The following ENTHD1 variants were observed in gnomAD, a reference collection of about 807,000 sequenced individuals.
ENTHD1 encodes the protein ENTH domain-containing protein 1.
Under a neutral mutation model 39.1 loss-of-function variants are expected in ENTHD1, and 23 were observed. The ratio of observed to expected loss-of-function variants is 0.59; its 90% CI spans 0.42 to 0.83. The LOEUF is 0.83. ENTHD1 is among the 40% of genes least tolerant of loss of function. ENTHD1 has a pLI of 0.00. For missense variants in ENTHD1, 624 were observed against 705.4 expected, an observed-to-expected ratio of 0.88 and a Z score of 1.31; for synonymous variants, 230 against 258.2, an observed-to-expected ratio of 0.89 and a Z score of 1.05.
At chr22:39,824,241 G>T (rs1255691296) in intron 4 of ENTHD1, among the ~76,000 whole-genome samples, 1 of 106,648 alleles carries the variant, frequency 9.4e-6, no homozygotes, top group East Asian at 3.2e-4. Context: ...ACAGAGTCTC[G>T]CCTTGTCACC....
chr22:39,859,175 T>C (rs76652448), intron 3 of ENTHD1, among the ~76,000 whole-genome samples: 1 of 152,224 alleles, frequency 6.6e-6, no homozygotes, highest in Non-Finnish European at 1.5e-5. Flanking sequence ...CTTTGCAGAA[T>C]TAAAGACAGT....
intron 5 of ENTHD1, among the ~76,000 whole-genome samples, chr22:39,805,615 C>T (rs904105411): frequency 2.6e-5 from 4 of 152,154 alleles, no homozygotes; most frequent in Non-Finnish European, 4.4e-5. Context: ...CAACAACCCA[C>T]GGACCAGATA....
chr22:39,847,837 A>C (rs1200193082), intron 3 of ENTHD1, among the ~76,000 whole-genome samples: 2 of 152,242 alleles, frequency 1.3e-5, no homozygotes, highest in Non-Finnish European at 2.9e-5. Flanking sequence ...TAATGATGCT[A>C]TAACAAATTA....
At chr22:39,866,439 A>C (rs2066182215) in intron 2 of ENTHD1, among the ~76,000 whole-genome samples, 1 of 152,228 alleles carries the variant, frequency 6.6e-6, no homozygotes, top group South Asian at 2.1e-4. Flanking sequence ...ATAATTTCAG[A>C]TAAATGCTCT....
chr22:39,847,226 T>C (rs1268148600), intron 3 of ENTHD1, among the ~76,000 whole-genome samples: 3 of 151,882 alleles, frequency 2.0e-5, no homozygotes, highest in South Asian at 2.1e-4. Context: ...GTTAGGGACA[T>C]GGATGAAATT....
chr22:39,854,506 T>C (rs1224028842), intron 3 of ENTHD1, among the ~76,000 whole-genome samples: 1 of 152,162 alleles, frequency 6.6e-6, no homozygotes, highest in Non-Finnish European at 1.5e-5. Context: ...GAGATCATTT[T>C]TGTAATAACT....
Position 39,766,107 on chromosome 22 carries a change from T to G in ENTHD1, c.833-498A>C, listed in dbSNP as rs112280439. On this transcript the variant is annotated intron_variant, in intron 5 of 6. Coordinates refer to ENST00000325157, the MANE Select transcript of ENTHD1 (RefSeq NM_152512.4). ...AAAGAATGTCTTCTTCCACACAGTT[T>G]CTATATGCAAGGCACATTAAAGAAA... is the stretch of plus-strand genomic sequence containing the variant. 2.9e-4 allele frequency among the ~76,000 whole-genome samples: 43 copies of G among 150,822 alleles called. 1 individual carries two copies. The highest frequency in any genetic ancestry group is 9.7e-4 in the African/African-American group (40 of 41,222).
intron 5 of ENTHD1, among the ~76,000 whole-genome samples, chr22:39,780,637 A>G (rs972115551): frequency 2.6e-5 from 4 of 152,202 alleles, no homozygotes; most frequent in Admixed American, 1.3e-4. Context: ...CAGTCACTAT[A>G]TAATGATCAA....
At chr22:39,848,168 A>G (rs2066005786) in intron 3 of ENTHD1, among the ~76,000 whole-genome samples, 1 of 152,158 alleles carries the variant, frequency 6.6e-6, no homozygotes, top group African/African-American at 2.4e-5. Flanking sequence ...ATAGTGCTTC[A>G]AATCCTTATC....
intron 5 of ENTHD1, among the ~76,000 whole-genome samples, chr22:39,780,990 C>T (rs2065405127): frequency 8.1e-6 from 1 of 123,354 alleles, no homozygotes; most frequent in African/African-American, 3.0e-5. Context: ...CAGAGCGAGA[C>T]TCCATCTCAA....
At chr22:39,838,879 A>G (rs1244385793) in intron 3 of ENTHD1, among the ~76,000 whole-genome samples, 2 of 152,156 alleles carry the variant, frequency 1.3e-5, no homozygotes, top group Admixed American at 1.3e-4. Context: ...GAATAAACAT[A>G]TGACTTCAGA....
rs560295923 is a variant in ENTHD1, at chr22:39,830,562, T to TTCCA, written c.711+5274_711+5277dup. 2.0e-3 allele frequency among the ~76,000 whole-genome samples: 307 copies of TTCCA among 152,270 alleles called. 1 individual carries two copies. Among genetic ancestry groups the TTCCA allele is most frequent in the Non-Finnish European group, 2.1e-3 (146 of 68,010 alleles). On this transcript the variant is annotated intron_variant, in intron 4 of 6. Coordinates refer to ENST00000325157, the MANE Select transcript of ENTHD1 (RefSeq NM_152512.4). ...ATAATTCCAACCTTCCTTATAGGAA[T>TTCCA]TCCAGCAGGGAACACTAAGAAAAGC... is the stretch of plus-strand genomic sequence containing the variant.
chr22:39,876,514 TAAAAAA>T (rs137946), intron 2 of ENTHD1, among the ~76,000 whole-genome samples: 2 of 105,790 alleles, frequency 1.9e-5, no homozygotes, highest in Non-Finnish European at 3.9e-5. Context: ...ACGGGTCATC[TAAAAAA>T]AAAAAAAAAA....
chr22:39,836,260 C>A (rs975636459), intron 3 of ENTHD1, among the ~76,000 whole-genome samples: 2 of 152,174 alleles, frequency 1.3e-5, no homozygotes, highest in African/African-American at 4.8e-5. Flanking sequence ...TGATTGACTG[C>A]ATACTAACAA....
chr22:39,769,008 G>C (rs771424303), intron 5 of ENTHD1, among the ~76,000 whole-genome samples: 1 of 150,914 alleles, frequency 6.6e-6, no homozygotes, highest in Non-Finnish European at 1.5e-5. Flanking sequence ...TTGTGTATAT[G>C]TACATATATA....
chr22:39,880,843 G>A (rs1229934310), intron 2 of ENTHD1, among the ~76,000 whole-genome samples: 3 of 152,182 alleles, frequency 2.0e-5, no homozygotes, highest in Non-Finnish European at 4.4e-5. Context: ...TGATCAGGAT[G>A]AGGATCACAT....
chr22:39,829,715 T>C (rs1303251527), intron 4 of ENTHD1, among the ~76,000 whole-genome samples: 1 of 151,592 alleles, frequency 6.6e-6, no homozygotes, highest in Non-Finnish European at 1.5e-5. Flanking sequence ...CACTTGAACA[T>C]GGGAGGCAGA....
intron 5 of ENTHD1, among the ~76,000 whole-genome samples, chr22:39,798,577 T>C (rs2065569977): frequency 1.3e-5 from 2 of 152,128 alleles, no homozygotes; most frequent in South Asian, 4.1e-4. Context: ...GTGGCAAGCT[T>C]TTTCTCGGGA....
At chr22:39,839,054 C>A (rs1402840606) in intron 3 of ENTHD1, among the ~76,000 whole-genome samples, 1 of 151,382 alleles carries the variant, frequency 6.6e-6, no homozygotes, top group Non-Finnish European at 1.5e-5. Context: ...TTCTTTTGTC[C>A]TTAATGTCAA....
Sources: gnomAD v4.1 joint callset for allele counts (sites outside exome capture counted in the v4.1 genomes callset) on GRCh38, gnomAD v4.1.1 for gene constraint, MANE v1.5 for transcripts, NCBI Gene and HGNC (gene_info 2026-07-23, HGNC 2026-07-21) for gene names.